COBL: variants seen among roughly 807,000 people sequenced by gnomAD.
COBL encodes cordon-bleu WH2 repeat protein.
Under a neutral mutation model 98.8 loss-of-function variants are expected in COBL, and 51 were observed. The ratio of observed to expected loss-of-function variants is 0.52; its 90% CI spans 0.41 to 0.65. COBL has a LOEUF of 0.65. COBL is among the 30% of genes least tolerant of loss of function. The pLI is 0.00. For synonymous variants in COBL, 634 were observed against 651.7 expected, an observed-to-expected ratio of 0.97 and a Z score of 0.41; for missense variants, 1,617 against 1,617.5, an observed-to-expected ratio of 1.00 and a Z score of 0.01.
chr7:51,316,680 A>T lies in COBL; in HGVS notation c.-47T>A. The T allele has an allele frequency of 8.5e-7, 1 of 1,180,388 alleles. No homozygotes were observed. The highest frequency in any genetic ancestry group is 1.1e-6 in the Non-Finnish European group (1 of 951,830). The allele number at this position is 1,180,388 out of a possible 1,614,324, so 73.1% of individuals were successfully genotyped here. On this transcript the variant is annotated 5_prime_UTR_variant, in exon 1 of 13. The change abolishes the stop of an existing upstream ORF in the 5' untranslated region. Transcript: ENST00000265136. Reference sequence around the variant, plus strand: ...GGCGGTGCTCCGGGCCCGCCGAGTCAGGCGCTGGCTACCGCCGCCACCGCT... The same window carrying T: ...GGCGGTGCTCCGGGCCCGCCGAGTCTGGCGCTGGCTACCGCCGCCACCGCT...
chr7:51,158,541 G>C (rs1562976812), intron 5 of COBL, among the ~76,000 whole-genome samples: 1 of 152,206 alleles, frequency 6.6e-6, no homozygotes, highest in Non-Finnish European at 1.5e-5. Flanking sequence ...GCTAGCTGAG[G>C]AGACAACAAG....
chr7:51,174,575 G>A (rs563750371), intron 5 of COBL, among the ~76,000 whole-genome samples: 1 of 152,218 alleles, frequency 6.6e-6, no homozygotes, highest in Admixed American at 6.5e-5. Context: ...GTGACTTCTT[G>A]AGGCCATCTG....
At chr7:51,212,909 AT>A (rs1792594411) in intron 2 of COBL, among the ~76,000 whole-genome samples, 1 of 152,214 alleles carries the variant, frequency 6.6e-6, no homozygotes, top group African/African-American at 2.4e-5. Flanking sequence ...CACTTTGAGA[AT>A]TGCTAGACTC....
chr7:51,147,025 C>T (rs542905722), intron 5 of COBL, among the ~76,000 whole-genome samples: 4 of 152,268 alleles, frequency 2.6e-5, no homozygotes, highest in Admixed American at 2.0e-4. Context: ...AAGTGTTCTG[C>T]AGGCCAGGGT....
At chr7:51,153,732 G>A (rs2129025912) in intron 5 of COBL, among the ~76,000 whole-genome samples, 1 of 152,288 alleles carries the variant, frequency 6.6e-6, no homozygotes, top group African/African-American at 2.4e-5. Context: ...GAGGCCGCAG[G>A]GTCTCTGGCC....
intron 11 of COBL, among the ~76,000 whole-genome samples, chr7:51,025,819 C>G (rs1300935605): frequency 6.6e-6 from 1 of 152,206 alleles, no homozygotes. Context: ...GGACCTGAGA[C>G]AGTTCTTTTG....
intron 7 of COBL, among the ~76,000 whole-genome samples, chr7:51,074,617 T>C (rs1242962180): frequency 6.6e-6 from 1 of 152,334 alleles, no homozygotes; most frequent in Middle Eastern, 3.4e-3. Context: ...CCTGAGTACA[T>C]GCTACTAGTT....
At position 51,020,591 on chromosome 7, in the gene COBL, ACAGT is replaced by A. The variant is rs573494810; in HGVS notation, c.3769-3027_3769-3024del. On this transcript the variant is annotated intron_variant, in intron 12 of 12. Coordinates refer to ENST00000265136, the MANE Select transcript of COBL (RefSeq NM_015198.5). ...ATGCATTTAAAACAGATCGACAAAG[ACAGT>A]CAGACGCATACAGCTTTGCCTTTAA... 2.7e-4 allele frequency among the ~76,000 whole-genome samples: 41 copies of A among 152,350 alleles called. No individual in the cohort carries two copies. In the South Asian group the frequency reaches 8.5e-3, roughly 32 times the overall value.
chr7:51,036,592 C>T (rs1410630412), intron 8 of COBL, among the ~76,000 whole-genome samples: 1 of 152,078 alleles, frequency 6.6e-6, no homozygotes, highest in Admixed American at 6.5e-5. Context: ...ATCCTCATAG[C>T]CACAAGCCTG....
At chr7:51,251,610 T>C (rs1170303943) in intron 1 of COBL, among the ~76,000 whole-genome samples, 2 of 152,242 alleles carry the variant, frequency 1.3e-5, no homozygotes, top group Non-Finnish European at 2.9e-5. Context: ...CTCTAAGTTA[T>C]ATTGCATTCT....
At chr7:51,268,198 T>C (rs1372592456) in intron 1 of COBL, among the ~76,000 whole-genome samples, 4 of 152,152 alleles carry the variant, frequency 2.6e-5, no homozygotes, top group African/African-American at 9.7e-5. Context: ...GGAAGGCAAA[T>C]ATGTAACAAG....
At chr7:51,107,825 T>C (rs965290665) in intron 6 of COBL, among the ~76,000 whole-genome samples, 1 of 152,112 alleles carries the variant, frequency 6.6e-6, no homozygotes, top group African/African-American at 2.4e-5. Context: ...ATCTCCTTAA[T>C]AAACAGGAAG....
chr7:51,110,319 T>C (rs1796710056), intron 6 of COBL, among the ~76,000 whole-genome samples: 1 of 152,136 alleles, frequency 6.6e-6, no homozygotes, highest in Non-Finnish European at 1.5e-5. Context: ...CTTCATGAGA[T>C]CCACTTTTTT....
chr7:51,110,442 AT>A (rs1562925383), intron 6 of COBL, among the ~76,000 whole-genome samples: 1 of 152,188 alleles, frequency 6.6e-6, no homozygotes, highest in Non-Finnish European at 1.5e-5. Context: ...ACAGGATTTC[AT>A]TTTTTCCTTT....
At chr7:51,228,033 G>A (rs940634426) in intron 1 of COBL, among the ~76,000 whole-genome samples, 5 of 152,030 alleles carry the variant, frequency 3.3e-5, no homozygotes, top group Non-Finnish European at 2.9e-5. Flanking sequence ...CCATCAAAAC[G>A]CCACATTTCA....
At chr7:51,200,769 T>C (rs550819141) in intron 2 of COBL, among the ~76,000 whole-genome samples, 1 of 152,296 alleles carries the variant, frequency 6.6e-6, no homozygotes, top group African/African-American at 2.4e-5. Context: ...AGTAAGTCCT[T>C]ACCTATTAAT....
At chr7:51,054,064 C>T (rs962075872) in intron 7 of COBL, among the ~76,000 whole-genome samples, 9 of 152,034 alleles carry the variant, frequency 5.9e-5, no homozygotes, top group African/African-American at 2.2e-4. Flanking sequence ...GCCTGTAATC[C>T]CAGCTACTCG....
At chr7:51,297,648 C>T (rs948740849) in intron 1 of COBL, among the ~76,000 whole-genome samples, 1 of 152,122 alleles carries the variant, frequency 6.6e-6, no homozygotes, top group Non-Finnish European at 1.5e-5. Flanking sequence ...CCGCCTCAGC[C>T]TCCCAAAGTG....
At chr7:51,230,420 C>T (rs953460690) in intron 1 of COBL, among the ~76,000 whole-genome samples, 1 of 152,182 alleles carries the variant, frequency 6.6e-6, no homozygotes, top group Admixed American at 6.5e-5. Flanking sequence ...TCCAGCTCTG[C>T]CAAGGCTCAA....
Sources: gnomAD v4.1 joint callset for allele counts (sites outside exome capture counted in the v4.1 genomes callset) on GRCh38, gnomAD v4.1.1 for gene constraint, MANE v1.5 for transcripts, NCBI Gene and HGNC (gene_info 2026-07-23, HGNC 2026-07-21) for gene names.